The following CABCOCO1 variants were observed in gnomAD, a reference collection of about 807,000 sequenced individuals.
The protein encoded by CABCOCO1 is ciliary-associated calcium-binding coiled-coil protein 1.
Under a neutral mutation model 35.7 loss-of-function variants are expected in CABCOCO1, and 28 were observed. The ratio of observed to expected loss-of-function variants is 0.78; its 90% confidence interval spans 0.58 to 1.07. CABCOCO1 has a LOEUF of 1.07. Among genes scored for constraint, CABCOCO1 ranks in the 50% least tolerant of loss-of-function variants. CABCOCO1 has a pLI of 0.00. For synonymous variants in CABCOCO1, 95 were observed against 100.1 expected (o/e 0.95, Z 0.30); for missense variants, 326 against 309.2 (o/e 1.05, Z -0.41).
chr10:61,721,053 T>C (rs1484236352), intron 5 of CABCOCO1, among the ~76,000 whole-genome samples: 1 of 149,990 alleles, frequency 6.7e-6, no homozygotes, highest in Non-Finnish European at 1.5e-5. Flanking sequence ...GCCTCCTGAG[T>C]AGCTGGGACT....
intron 5 of CABCOCO1, among the ~76,000 whole-genome samples, chr10:61,728,579 TAA>T (rs1293137531): frequency 6.6e-6 from 1 of 152,202 alleles, no homozygotes; most frequent in East Asian, 1.9e-4. Context: ...CCCTTGAGAT[TAA>T]GAGGAATTAC....
At chr10:61,666,444 T>A (rs1447390255) in intron 1 of CABCOCO1, among the ~76,000 whole-genome samples, 2 of 152,312 alleles carry the variant, frequency 1.3e-5, no homozygotes, top group East Asian at 3.9e-4. Flanking sequence ...GACCTCAACA[T>A]GTGAGTACAT....
intron 1 of CABCOCO1, among the ~76,000 whole-genome samples, chr10:61,666,536 T>C (rs1476121267): frequency 2.0e-5 from 3 of 152,210 alleles, no homozygotes; most frequent in Non-Finnish European, 2.9e-5. Flanking sequence ...CTTAGGCTTG[T>C]CATTCTTACT....
chr10:61,687,433 C>T (rs1318121270), intron 4 of CABCOCO1, among the ~76,000 whole-genome samples: 1 of 152,122 alleles, frequency 6.6e-6, no homozygotes, highest in Non-Finnish European at 1.5e-5. Context: ...TCCTTATTTT[C>T]CTTCTCTATT....
At chr10:61,705,729 T>C (rs1840577753) in intron 5 of CABCOCO1, among the ~76,000 whole-genome samples, 1 of 152,212 alleles carries the variant, frequency 6.6e-6, no homozygotes, top group Non-Finnish European at 1.5e-5. Context: ...GGCAAACATG[T>C]AGTGCAAAGG....
intron 5 of CABCOCO1, among the ~76,000 whole-genome samples, chr10:61,696,829 G>T (rs904595265): frequency 6.6e-6 from 1 of 151,894 alleles, no homozygotes; most frequent in South Asian, 2.1e-4. Flanking sequence ...TACACAAATA[G>T]TTTCTTTGAT....
intron 5 of CABCOCO1, among the ~76,000 whole-genome samples, chr10:61,710,286 GT>G (rs1840701828): frequency 1.1e-5 from 1 of 89,620 alleles, no homozygotes; most frequent in Non-Finnish European, 2.4e-5. Context: ...GTGTGTGTGT[GT>G]GTGTGTGTAG....
At chr10:61,715,073 C>T (rs1245977007) in intron 5 of CABCOCO1, among the ~76,000 whole-genome samples, 2 of 152,032 alleles carry the variant, frequency 1.3e-5, no homozygotes, top group Non-Finnish European at 2.9e-5. Flanking sequence ...TCCTTGTAAA[C>T]CTTCTATCTC....
chr10:61,742,646 A>G (rs1841573896), intron 5 of CABCOCO1, among the ~76,000 whole-genome samples: 2 of 152,200 alleles, frequency 1.3e-5, no homozygotes, highest in Admixed American at 1.3e-4. Context: ...ATTATCACAA[A>G]GTAAAAATAA....
rs1841997525 is a variant in CABCOCO1 at position 61,760,949 on chromosome 10, A to C, written c.762A>C (p.Glu254Asp). The change falls in exon 7 of 8, where the codon GAA becomes GAC. Residue 254 changes from glutamate to aspartate, a missense_variant. Glu to Asp is a conservative substitution (Grantham distance 45). Coordinates refer to ENST00000648843, the MANE Select transcript of CABCOCO1 (RefSeq NM_001366906.2). Reference protein sequence around the residue: ...DMDPLVGFTIEDVKSVLDQVT... With the variant: ...DMDPLVGFTIDDVKSVLDQVT... ...ATCCTTTAGTTGGTTTTACCATTGA[A>C]GATGTAAAATCAGTGCTGGATCAAG... 1 of 1,612,770 alleles carries C rather than the reference A, an allele frequency of 6.2e-7. No homozygotes were observed. The highest frequency in any genetic ancestry group is 1.7e-5 in the Admixed American group (1 of 59,880).
chr10:61,684,033 T>C (rs895569707), intron 3 of CABCOCO1, among the ~76,000 whole-genome samples: 2 of 152,186 alleles, frequency 1.3e-5, no homozygotes, highest in African/African-American at 4.8e-5. Flanking sequence ...AGATTTTCCA[T>C]TCATTTATGA....
chr10:61,738,051 A>G (rs1346740066), intron 5 of CABCOCO1, among the ~76,000 whole-genome samples: 1 of 144,142 alleles, frequency 6.9e-6, no homozygotes, highest in Non-Finnish European at 1.5e-5. Flanking sequence ...AAAATATCTT[A>G]TTTAAAAAAA....
intron 4 of CABCOCO1, among the ~76,000 whole-genome samples, chr10:61,688,712 C>T (rs1308930018): frequency 6.6e-6 from 1 of 152,214 alleles, no homozygotes. Context: ...CTGTAAACCA[C>T]AGGGTATTGC....
chr10:61,765,359 T>G (rs532220834), intron 7 of CABCOCO1, among the ~76,000 whole-genome samples: 1 of 152,150 alleles, frequency 6.6e-6, no homozygotes, highest in East Asian at 1.9e-4. Context: ...ACCTCGGCAA[T>G]CACAAAACCT....
At chr10:61,665,365 T>C (rs2131940866) in intron 1 of CABCOCO1, among the ~76,000 whole-genome samples, 2 of 152,300 alleles carry the variant, frequency 1.3e-5, no homozygotes, top group Middle Eastern at 6.8e-3. Context: ...ACATCCCGAG[T>C]TCTTTAGTAA....
At position 61,686,096 on chromosome 10, in the gene CABCOCO1, A is replaced by G. The variant is rs574991797; in HGVS notation, c.390A>G (p.Glu130=). ...AATGGCTTGGAGAAGTTATGGCTGA[A>G]ATAGGACCAACACATTCGCAAAAGA... is the stretch of plus-strand genomic sequence containing the variant. The part of the protein sequence containing the change: ...SIKWLGEVMA[E]IGPTHSQKSE... Residue 130 remains glutamate (E), a synonymous_variant, in exon 4 of 8, where the codon GAA becomes GAG. Coordinates refer to ENST00000648843, the MANE Select transcript of CABCOCO1 (RefSeq NM_001366906.2). 2 of 1,609,308 alleles carry G rather than the reference A, an allele frequency of 1.2e-6. No individual in the cohort carries two copies. Among genetic ancestry groups the G allele is most frequent in the Admixed American group, 3.4e-5 (2 of 58,682 alleles).
intron 1 of CABCOCO1, among the ~76,000 whole-genome samples, chr10:61,667,313 G>T (rs1839218043): frequency 6.7e-6 from 1 of 149,920 alleles, no homozygotes; most frequent in South Asian, 2.1e-4. Flanking sequence ...GCTTTTCCAC[G>T]CACTAGTTTG....
chr10:61,755,354 C>T (rs1210589004), intron 5 of CABCOCO1, among the ~76,000 whole-genome samples: 1 of 152,018 alleles, frequency 6.6e-6, no homozygotes, highest in Non-Finnish European at 1.5e-5. Flanking sequence ...ATGAGTAATG[C>T]CTTTCTTCAA....
intron 5 of CABCOCO1, among the ~76,000 whole-genome samples, chr10:61,724,982 A>C (rs1282763321): frequency 6.6e-6 from 1 of 152,216 alleles, no homozygotes; most frequent in Non-Finnish European, 1.5e-5. Flanking sequence ...CATCTTACCG[A>C]ATATCTTTTT....
Sources: allele counts gnomAD v4.1 joint callset (sites outside exome capture counted in the v4.1 genomes callset), GRCh38; gene constraint gnomAD v4.1.1; transcripts MANE v1.5; gene names NCBI Gene and HGNC (gene_info 2026-07-23, HGNC 2026-07-21).